Variants in GPHN observed in about 807,000 individuals in gnomAD.
GPHN encodes the protein gephyrin.
A neutral mutation model predicts 95.5 loss-of-function variants in GPHN; 17 were observed. The observed-to-expected ratio is 0.18, with a 90% confidence interval of 0.12 to 0.27. GPHN has a LOEUF of 0.27. GPHN is among the 10% of genes least tolerant of loss of function. The probability of loss-of-function intolerance (pLI) is 1.00; values close to 1 mark genes in which losing one functional copy is unlikely to be tolerated. For synonymous variants in GPHN, 320 were observed against 322.5 expected, an observed-to-expected ratio of 0.99 and a Z score of 0.08; for missense variants, 660 against 978.1, an observed-to-expected ratio of 0.67 and a Z score of 4.34.
intron 4 of GPHN, among the ~76,000 whole-genome samples, chr14:66,874,989 T>C (rs895931805): frequency 6.6e-6 from 1 of 151,920 alleles, no homozygotes; most frequent in Non-Finnish European, 1.5e-5. Context: ...AAGGAATAAA[T>C]GGTAAGGGCA....
chr14:67,023,643 G>T lies in GPHN; in HGVS notation c.974G>T (p.Arg325Met). Residue 325 changes from arginine to methionine, a missense_variant, in exon 10 of 23, where the codon AGG becomes ATG. By Grantham distance (91) the Arg-to-Met change is moderately conservative (BLOSUM62 -1). This residue lies in a region of GPHN where 190 missense variants were observed against 224.7 expected (regional missense o/e 0.85). Coordinates refer to ENST00000478722, the MANE Select transcript of GPHN (RefSeq NM_020806.5). ...ASCPTPKVQS[R>M]CSSKENILRA... ...ATGCTCTTTCTACAGGTCCAGTCCA[G>T]GTGCAGCAGCAAGGAGAACATTCTC... 6.2e-7 allele frequency: 1 copy of T among 1,613,392 alleles called. No homozygotes were observed. Among genetic ancestry groups the T allele is most frequent in the Non-Finnish European group, 8.5e-7 (1 of 1,179,470 alleles).
the GPHN span, chr14:67,573,746 T>C: frequency 1.8e-6 from 2 of 1,113,830 alleles, no homozygotes; most frequent in Admixed American, 3.4e-5. The surrounding 1 kb of genome is among the most constrained non-coding windows in gnomAD (Gnocchi z 4.8). Flanking sequence ...GTAAATGAGG[T>C]GCTCCGGAAA....
the GPHN span, among the ~76,000 whole-genome samples, chr14:67,723,706 T>C: frequency 6.6e-6 from 1 of 152,182 alleles, no homozygotes; most frequent in African/African-American, 2.4e-5. Context: ...CTGGAGAAGT[T>C]GAGAGGATTA....
At chr14:66,625,054 C>T (rs1324170315) in intron 1 of GPHN, among the ~76,000 whole-genome samples, 1 of 152,086 alleles carries the variant, frequency 6.6e-6, no homozygotes, top group Non-Finnish European at 1.5e-5. Flanking sequence ...CTTGTTAGTG[C>T]CTTTCAATCT....
chr14:66,768,878 A>G (rs1191313169), intron 2 of GPHN, among the ~76,000 whole-genome samples: 1 of 152,038 alleles, frequency 6.6e-6, no homozygotes, highest in Non-Finnish European at 1.5e-5. Flanking sequence ...ACAACTCAAG[A>G]TAATTGACTA....
At chr14:67,030,054 T>C (rs1339610194) in intron 10 of GPHN, among the ~76,000 whole-genome samples, 1 of 151,522 alleles carries the variant, frequency 6.6e-6, no homozygotes, top group African/African-American at 2.4e-5. Flanking sequence ...TCATAGATCT[T>C]CCATTCACAC....
chr14:67,377,087 T>C, the GPHN span, among the ~76,000 whole-genome samples: 1 of 152,238 alleles, frequency 6.6e-6, no homozygotes, highest in African/African-American at 2.4e-5. Flanking sequence ...TTCTGTATGT[T>C]AGGATCTGAT....
rs534109469 is a variant in GPHN at position 66,568,810 on chromosome 14, TTAAATAA to T, written c.64+60229_64+60235del. Among the ~76,000 whole-genome samples, 535 of 152,166 alleles carry T rather than the reference TTAAATAA, an allele frequency of 3.5e-3. 1 individual carries two copies. The highest frequency in any genetic ancestry group is 6.0e-3 in the Non-Finnish European group (411 of 67,954). On this transcript the variant is annotated intron_variant, in intron 1 of 22. Coordinates refer to ENST00000478722, the MANE Select transcript of GPHN (RefSeq NM_020806.5). The stretch of plus-strand genomic sequence containing the variant: ...CCTAGGGCAAAGCATTTCAAATAGA[TTAAATAA>T]TAAATAATATATTGAATTTTTATAT...
chr14:66,681,011 G>T, intron 1 of GPHN, 96 bp from the exon 2 acceptor site: 1 of 689,002 alleles, frequency 1.5e-6, no homozygotes, highest in Non-Finnish European at 2.5e-6. Flanking sequence ...AAAAAAAAAA[G>T]CTATTTTTCA....
intron 3 of GPHN, among the ~76,000 whole-genome samples, chr14:66,780,314 C>G (rs2873999): frequency 0.012 from 1,798 of 152,108 alleles, 18 homozygotes; most frequent in Non-Finnish European, 0.018. Flanking sequence ...AAGGTTTGTC[C>G]TCATACAAAA....
the GPHN span, among the ~76,000 whole-genome samples, chr14:67,491,111 G>A: frequency 6.6e-6 from 1 of 152,176 alleles, no homozygotes; most frequent in Non-Finnish European, 1.5e-5. Flanking sequence ...ACAAACCAGG[G>A]TTCCCATGAC....
intron 4 of GPHN, among the ~76,000 whole-genome samples, chr14:66,845,853 G>GTGTGTGTGTGTC (rs1567012790): frequency 2.0e-5 from 3 of 151,336 alleles, no homozygotes; most frequent in African/African-American, 7.3e-5. Flanking sequence ...GTGTGTGTGT[G>GTGTGTGTGTGTC]TGTGTGTCTG....
intron 2 of GPHN, chr14:66,709,410 C>T (rs529217765): frequency 1.1e-5 from 5 of 455,890 alleles, no homozygotes; most frequent in African/African-American, 1.0e-4. Context: ...TACTACTGAA[C>T]CCAAGTACTG....
intron 20 of GPHN, 146 bp downstream of exon 20, chr14:67,165,372 AG>A (rs762861510): frequency 2.6e-5 from 17 of 654,852 alleles, no homozygotes; most frequent in Non-Finnish European, 4.6e-5. Context: ...TAACCTCTCT[AG>A]GAAGTTTCTT....
chr14:66,900,327 T>G (rs2065064011), intron 5 of GPHN, among the ~76,000 whole-genome samples: 1 of 152,036 alleles, frequency 6.6e-6, no homozygotes, highest in Non-Finnish European at 1.5e-5. Flanking sequence ...AAGCTTGTTA[T>G]TGATTTGAGA....
chr14:66,560,281 T>G (rs972742680), intron 1 of GPHN, among the ~76,000 whole-genome samples: 1 of 152,306 alleles, frequency 6.6e-6, no homozygotes. Context: ...GTGAAGAAAG[T>G]CATTGGTAGC....
intron 2 of GPHN, among the ~76,000 whole-genome samples, chr14:66,756,873 G>A (rs1252293292): frequency 6.6e-6 from 1 of 152,178 alleles, no homozygotes; most frequent in Admixed American, 6.5e-5. Context: ...ATGTAAAACA[G>A]AACAGGCATA....
At chr14:66,894,741 A>G (rs2064738043) in intron 5 of GPHN, among the ~76,000 whole-genome samples, 1 of 152,250 alleles carries the variant, frequency 6.6e-6, no homozygotes, top group Non-Finnish European at 1.5e-5. Context: ...TATGCAGCCA[A>G]CAGACACATG....
the GPHN span, among the ~76,000 whole-genome samples, chr14:67,512,709 A>G: frequency 6.6e-6 from 1 of 152,108 alleles, no homozygotes; most frequent in Non-Finnish European, 1.5e-5. Flanking sequence ...CAGAGTCCCC[A>G]ACATCATCGG....
Sources: gnomAD v4.1 joint callset for allele counts (sites outside exome capture counted in the v4.1 genomes callset) on GRCh38, gnomAD v4.1.1 for gene constraint, gnomAD v4.1.1 regional missense constraint, Gnocchi (gnomAD v3.1) non-coding constraint, MANE v1.5 for transcripts, NCBI Gene and HGNC (gene_info 2026-07-23, HGNC 2026-07-21) for gene names.